The following PEX11G variants were observed in gnomAD, a reference collection of about 807,000 sequenced individuals.
The protein encoded by PEX11G is peroxisomal membrane protein 11C.
In PEX11G, 20 loss-of-function variants were observed where a neutral mutation model predicts 22.5. The observed-to-expected ratio is 0.89, with a 90% CI of 0.62 to 1.29. The LOEUF (loss-of-function observed/expected upper bound fraction) is 1.29, where lower values mean the gene tolerates loss of function less well. PEX11G is among the 50% of genes most tolerant of loss of function. The pLI is 0.00. For missense variants in PEX11G, 347 were observed against 331.3 expected (o/e 1.05, Z -0.37); for synonymous variants, 141 against 154.5 (o/e 0.91, Z 0.65).
At chr19:7,486,087 C>T in intron 1 of PEX11G, 61 bp from the exon 2 acceptor site, 1 of 1,444,976 alleles carries the variant, frequency 6.9e-7, no homozygotes, top group East Asian at 2.4e-5. Flanking sequence ...AGCTGCATCC[C>T]CCCATACCTG....
intron 2 of PEX11G, among the ~76,000 whole-genome samples, chr19:7,482,549 TTTTCACA>T (rs1977546583): frequency 6.6e-6 from 1 of 152,166 alleles, no homozygotes; most frequent in African/African-American, 2.4e-5. Flanking sequence ...GTACCGGGAA[TTTTCACA>T]GGGAATTTTC....
At chr19:7,489,203 G>T (rs899063568), upstream of PEX11G, 9 of 1,144,046 alleles carry the variant, frequency 7.9e-6, no homozygotes, top group African/African-American at 8.3e-5. Flanking sequence ...GTGCTCTCCA[G>T]GCCTGCAGAC....
At position 7,485,961 on chromosome 19, in the gene PEX11G, C is replaced by T. The variant is rs1568382833; in HGVS notation, c.126G>A (p.Arg42=). The T allele has an allele frequency of 3.7e-6, 6 of 1,611,214 alleles. No homozygotes were observed. The highest frequency in any genetic ancestry group is 4.2e-6 in the Non-Finnish European group (5 of 1,177,976). Residue 42 remains arginine, a synonymous_variant, in exon 2 of 5, where the codon AGG becomes AGA. Coordinates refer to ENST00000221480, the MANE Select transcript of PEX11G (RefSeq NM_080662.4). ...GGVLVEQCPA[R]SEVGTRLLVV... ...CCAACAGACGTGTCCCCACTTCGGA[C>T]CTGGCGGGACACTGTTCAACCAGAA...
intron 3 of PEX11G, among the ~76,000 whole-genome samples, chr19:7,478,766 G>A (rs1000106852): frequency 1.3e-5 from 2 of 152,226 alleles, no homozygotes; most frequent in African/African-American, 2.4e-5. Flanking sequence ...TTTCCCCTCC[G>A]GGCCTCAGCT....
intron 1 of PEX11G, among the ~76,000 whole-genome samples, chr19:7,494,341 G>C (rs560518659): frequency 7.2e-5 from 11 of 152,080 alleles, no homozygotes. Flanking sequence ...GCAGTGAACC[G>C]AGATCACGCC....
chr19:7,482,324 G>T, intron 2 of PEX11G, 113 bp from the exon 3 acceptor site: 2 of 1,251,960 alleles, frequency 1.6e-6, no homozygotes, highest in South Asian at 3.1e-5. Flanking sequence ...TCCCTGGGCC[G>T]TGTCCAGGCC....
chr19:7,482,325 T>G (rs1295304079), intron 2 of PEX11G, 114 bp from the exon 3 acceptor site: 1 of 1,234,212 alleles, frequency 8.1e-7, no homozygotes, highest in Non-Finnish European at 1.1e-6. Context: ...CCCTGGGCCG[T>G]GTCCAGGCCT....
intron 1 of PEX11G, among the ~76,000 whole-genome samples, 199 bp from the exon 2 acceptor site, chr19:7,486,225 C>T (rs1758654928): frequency 1.3e-5 from 2 of 152,178 alleles, no homozygotes; most frequent in South Asian, 2.1e-4. Flanking sequence ...CTCCCATGTT[C>T]AAGCAATTCT....
chr19:7,481,358 G>A (rs915024996), intron 3 of PEX11G, among the ~76,000 whole-genome samples: 5 of 152,054 alleles, frequency 3.3e-5, no homozygotes, highest in Admixed American at 1.3e-4. Context: ...GCACCACCAA[G>A]CCCAGCTAAT....
At chr19:7,485,413 T>C (rs2021596844) in intron 2 of PEX11G, among the ~76,000 whole-genome samples, 2 of 151,812 alleles carry the variant, frequency 1.3e-5, no homozygotes, top group South Asian at 4.2e-4. Context: ...TGGAGTGCAG[T>C]GGCGCGATCT....
chr19:7,485,149 C>T (rs573535199), intron 2 of PEX11G, among the ~76,000 whole-genome samples: 55 of 150,112 alleles, frequency 3.7e-4, no homozygotes, highest in African/African-American at 1.0e-3. Flanking sequence ...AAAGCAAGAC[C>T]CTGTCTATAA....
Position 7,482,104 on chromosome 19 carries a change from G to C in PEX11G, c.357C>G (p.His119Gln). ...GCGTCCACCACCGAGAAGAGTCCAC[G>C]TGGAGGACCCGGGCATCAGCCGCCC... ...VAWAADARVL[H>Q]VDSSRWWTLS... The change falls in exon 3 of 5, where the codon CAC becomes CAG. Residue 119 changes from histidine (H) to glutamine (Q), a missense_variant. His to Gln is a conservative substitution (Grantham distance 24). Coordinates refer to ENST00000221480, the MANE Select transcript of PEX11G (RefSeq NM_080662.4). 1.9e-6 allele frequency: 3 copies of C among 1,603,736 alleles called. No individual in the cohort carries two copies. Among genetic ancestry groups the C allele is most frequent in the Non-Finnish European group, 2.6e-6 (3 of 1,175,928 alleles).
upstream of PEX11G, among the ~76,000 whole-genome samples, chr19:7,490,328 T>C (rs962125508): frequency 9.2e-5 from 13 of 141,112 alleles, no homozygotes; most frequent in African/African-American, 3.4e-4. Flanking sequence ...CCCTTGTTAA[T>C]TTTTTTTTTT....
At chr19:7,483,837 C>A (rs1307637022) in intron 2 of PEX11G, among the ~76,000 whole-genome samples, 2 of 152,106 alleles carry the variant, frequency 1.3e-5, no homozygotes, top group Non-Finnish European at 2.9e-5. Context: ...GGCTGGCCCA[C>A]GCAGCCTCTG....
Position 7,478,403 on chromosome 19 carries a change from T to C in PEX11G, c.429-27A>G, listed in dbSNP as rs775731598. ...TGCAGCACCAGAGCCCGAGGGAGGATGCCCCGGCGGGGAGCAGGAGGGTTA... is the reference window on the plus strand; with the variant it reads ...TGCAGCACCAGAGCCCGAGGGAGGACGCCCCGGCGGGGAGCAGGAGGGTTA... On this transcript the variant is annotated intron_variant, in intron 3 of 4. Coordinates refer to ENST00000221480, the MANE Select transcript of PEX11G (RefSeq NM_080662.4). 2.9e-5 allele frequency: 46 copies of C among 1,597,228 alleles called. 1 individual carries two copies. Among genetic ancestry groups the C allele is most frequent in the Non-Finnish European group, 3.9e-5 (46 of 1,172,720 alleles).
intron 2 of PEX11G, 73 bp downstream of exon 2, chr19:7,485,752 AGCCACTGTGAGGG>A: frequency 1.6e-6 from 2 of 1,226,676 alleles, no homozygotes; most frequent in Non-Finnish European, 2.3e-6. Context: ...TACAAGCATG[AGCCACTGTGAGGG>A]GCCAAAAAAT....
upstream of PEX11G, among the ~76,000 whole-genome samples, chr19:7,493,918 T>A (rs1175826234): frequency 6.6e-6 from 1 of 151,362 alleles, no homozygotes; most frequent in East Asian, 1.9e-4. Flanking sequence ...TCTTTTTTTT[T>A]TTTTTTAGAG....
At chr19:7,479,869 T>C (rs1272327365) in intron 3 of PEX11G, among the ~76,000 whole-genome samples, 2 of 152,160 alleles carry the variant, frequency 1.3e-5, no homozygotes, top group Non-Finnish European at 2.9e-5. Flanking sequence ...AAATGCACCA[T>C]GTGGATGCTG....
intron 3 of PEX11G, among the ~76,000 whole-genome samples, chr19:7,480,825 G>A (rs1045021006): frequency 6.6e-6 from 1 of 152,150 alleles, no homozygotes; most frequent in East Asian, 1.9e-4. Flanking sequence ...CTGAAACATG[G>A]AGACCAGGGG....
Sources: gnomAD v4.1 joint callset for allele counts (sites outside exome capture counted in the v4.1 genomes callset) on GRCh38, gnomAD v4.1.1 for gene constraint, MANE v1.5 for transcripts, NCBI Gene and HGNC (gene_info 2026-07-23, HGNC 2026-07-21) for gene names.